The following CDH13 variants were observed in gnomAD, a reference collection of about 807,000 sequenced individuals.
The protein encoded by CDH13 is cadherin-13.
Under a neutral mutation model 63.8 loss-of-function variants are expected in CDH13, and 24 were observed. The observed-to-expected ratio is 0.38, with a 90% CI of 0.27 to 0.53. The LOEUF is 0.53. CDH13 is among the 20% of genes least tolerant of loss of function. The pLI, the probability that CDH13 is intolerant of heterozygous loss-of-function variation, is 0.85. For synonymous variants in CDH13, 503 were observed against 355.3 expected, an observed-to-expected ratio of 1.42 and a Z score of -4.67; for missense variants, 1,049 against 903.1, an observed-to-expected ratio of 1.16 and a Z score of -2.07.
At chr16:83,073,473 A>G (rs908097733) in intron 3 of CDH13, among the ~76,000 whole-genome samples, 9 of 151,942 alleles carry the variant, frequency 5.9e-5, no homozygotes, top group Non-Finnish European at 1.2e-4. Flanking sequence ...GCTGCTGTTT[A>G]ATAACCTATC....
intron 1 of CDH13, among the ~76,000 whole-genome samples, chr16:82,830,927 T>C (rs2038510325): frequency 6.6e-6 from 1 of 152,138 alleles, no homozygotes; most frequent in Admixed American, 6.6e-5. Flanking sequence ...TATATAAAAG[T>C]GTATCTTGTG....
chr16:83,403,488 TCG>T (rs2091998897), intron 6 of CDH13, among the ~76,000 whole-genome samples: 1 of 152,008 alleles, frequency 6.6e-6, no homozygotes, highest in South Asian at 2.1e-4. Context: ...CCAGGTGTGG[TCG>T]CGCGCGCCTG....
intron 3 of CDH13, among the ~76,000 whole-genome samples, chr16:83,040,042 C>G (rs1026779546): frequency 2.0e-5 from 3 of 151,578 alleles, no homozygotes; most frequent in Admixed American, 2.0e-4. Context: ...CTGCTTGTGC[C>G]TGTCTTAATG....
intron 6 of CDH13, among the ~76,000 whole-genome samples, chr16:83,468,997 C>G (rs558913311): frequency 6.6e-6 from 1 of 152,170 alleles, no homozygotes; most frequent in East Asian, 1.9e-4. Context: ...GTATAGGCTG[C>G]AGGAACAGGT....
chr16:82,742,273 T>G (rs1460215376), intron 1 of CDH13, among the ~76,000 whole-genome samples: 1 of 152,216 alleles, frequency 6.6e-6, no homozygotes, highest in East Asian at 1.9e-4. Flanking sequence ...TAATAGTGAT[T>G]ACATTTGGAT....
At chr16:82,857,826 C>A (rs1036153100) in intron 1 of CDH13, among the ~76,000 whole-genome samples, 7 of 151,484 alleles carry the variant, frequency 4.6e-5, no homozygotes, top group Non-Finnish European at 7.4e-5. Flanking sequence ...TTTATACTTA[C>A]AACATGTCAG....
chr16:83,450,003 G>T (rs755199977), intron 6 of CDH13, among the ~76,000 whole-genome samples: 7 of 152,224 alleles, frequency 4.6e-5, no homozygotes, highest in Non-Finnish European at 8.8e-5. Context: ...GAGGCAGATA[G>T]TTCCCCCGCC....
intron 5 of CDH13, among the ~76,000 whole-genome samples, chr16:83,309,781 A>G (rs925989484): frequency 5.3e-5 from 8 of 151,822 alleles, no homozygotes; most frequent in African/African-American, 1.9e-4. Flanking sequence ...GGAAAAGAGG[A>G]CTTTTCGCTT....
chr16:83,319,757 G>T (rs1016749259), intron 5 of CDH13, among the ~76,000 whole-genome samples: 6 of 152,208 alleles, frequency 3.9e-5, no homozygotes, highest in African/African-American at 1.4e-4. Context: ...GAAAGGAGTT[G>T]TGAATGGCAT....
chr16:83,377,342 A>C (rs894707310), intron 6 of CDH13, among the ~76,000 whole-genome samples: 1 of 152,178 alleles, frequency 6.6e-6, no homozygotes, highest in African/African-American at 2.4e-5. Context: ...CCCAGCCCCC[A>C]GTTCCTAAAA....
intron 7 of CDH13, among the ~76,000 whole-genome samples, chr16:83,589,135 TC>T: frequency 6.6e-6 from 1 of 152,278 alleles, no homozygotes; most frequent in African/African-American, 2.4e-5. Flanking sequence ...TCTTGCTTTT[TC>T]TATCTTCTAA....
In CDH13 at chr16:83,102,281, G is replaced by A. The variant is rs193224870; in HGVS notation, c.367-23104G>A. ...CCCAGAAATGTAAGATAATAAATGT[G>A]TGTTGTTTTAAGTCGCTGAGTTTGT... On this transcript the variant is annotated intron_variant, in intron 3 of 13. Coordinates refer to ENST00000567109, the MANE Select transcript of CDH13 (RefSeq NM_001257.5). 7.2e-4 allele frequency among the ~76,000 whole-genome samples: 109 copies of A among 152,324 alleles called. 1 individual carries two copies. The highest frequency in any genetic ancestry group is 2.6e-3 in the African/African-American group (106 of 41,552).
chr16:83,191,083 A>G (rs2038682534), intron 4 of CDH13, among the ~76,000 whole-genome samples: 1 of 151,384 alleles, frequency 6.6e-6, no homozygotes, highest in Admixed American at 6.6e-5. Flanking sequence ...AAAGGCTTAC[A>G]TATTACTTGG....
At chr16:83,743,024 T>G (rs403229) in intron 10 of CDH13, among the ~76,000 whole-genome samples, 1 of 152,184 alleles carries the variant, frequency 6.6e-6, no homozygotes, top group African/African-American at 2.4e-5. Flanking sequence ...CCTGGCCAAC[T>G]TGGTGAAACC....
At chr16:83,343,350 G>A (rs2090768323) in intron 5 of CDH13, among the ~76,000 whole-genome samples, 3 of 152,108 alleles carry the variant, frequency 2.0e-5, no homozygotes, top group South Asian at 4.1e-4. Flanking sequence ...GTAATATGTT[G>A]TTACACAAAC....
rs115915630 is a variant in CDH13 at position 83,540,027 on chromosome 16, A to G, written c.960+53372A>G. ...TAATTTAGGTGGTTTGTCCTGGACA[A>G]GACTGATTTTTAAAATTCTTTATGT... On this transcript the variant is annotated intron_variant, in intron 7 of 13. Coordinates refer to ENST00000567109, the MANE Select transcript of CDH13 (RefSeq NM_001257.5). 6.0e-3 allele frequency among the ~76,000 whole-genome samples: 906 copies of G among 152,128 alleles called. 11 individuals carry two copies. Among genetic ancestry groups the G allele is most frequent in the African/African-American group, 0.021 (864 of 41,492 alleles).
At chr16:83,104,316 A>G (rs1284795624) in intron 3 of CDH13, among the ~76,000 whole-genome samples, 1 of 152,180 alleles carries the variant, frequency 6.6e-6, no homozygotes, top group Non-Finnish European at 1.5e-5. Flanking sequence ...GAGACATCGC[A>G]TACATTATTG....
intron 5 of CDH13, among the ~76,000 whole-genome samples, chr16:83,260,100 A>G (rs957263885): frequency 3.0e-3 from 161 of 53,446 alleles, no homozygotes; most frequent in African/African-American, 0.024. Context: ...CCCCCAATAC[A>G]CACACACACA....
intron 2 of CDH13, among the ~76,000 whole-genome samples, chr16:83,021,810 T>C (rs1915374025): frequency 6.6e-6 from 1 of 152,200 alleles, no homozygotes; most frequent in Non-Finnish European, 1.5e-5. Flanking sequence ...AGCTCTGCAA[T>C]GTCAGTGCTG....
Sources: allele counts gnomAD v4.1 joint callset (sites outside exome capture counted in the v4.1 genomes callset), GRCh38; gene constraint gnomAD v4.1.1; transcripts MANE v1.5; gene names NCBI Gene and HGNC (gene_info 2026-07-23, HGNC 2026-07-21).